CDC42SE2: variants seen among roughly 807,000 people sequenced by gnomAD.
CDC42SE2 encodes the protein CDC42 small effector protein 2.
CDC42SE2 carries 3 observed loss-of-function variants against 11.5 expected under a neutral mutation model. That is an observed-to-expected ratio of 0.26 (90% CI 0.12 to 0.67). The LOEUF is 0.67. CDC42SE2 is among the 30% of genes least tolerant of loss of function. The probability of loss-of-function intolerance (pLI) is 0.80; values close to 1 mark genes in which losing one functional copy is unlikely to be tolerated. For synonymous variants in CDC42SE2, 33 were observed against 34.8 expected (o/e 0.95, Z 0.18); for missense variants, 82 against 106.8 (o/e 0.77, Z 1.02).
At chr5:131,344,489 A>T (rs1758792142) in intron 2 of CDC42SE2, among the ~76,000 whole-genome samples, 1 of 152,164 alleles carries the variant, frequency 6.6e-6, no homozygotes, top group African/African-American at 2.4e-5. Flanking sequence ...AGTAGGTAAA[A>T]AGAGCGGCCA....
intron 1 of CDC42SE2, among the ~76,000 whole-genome samples, chr5:131,294,893 C>T (rs1453503065): frequency 3.3e-5 from 5 of 151,816 alleles, no homozygotes; most frequent in African/African-American, 4.8e-5. Context: ...TTTGGGAGGC[C>T]GAGGTGGGCG....
At chr5:131,251,023 A>G (rs1157692315) in intron 1 of CDC42SE2, among the ~76,000 whole-genome samples, 1 of 152,242 alleles carries the variant, frequency 6.6e-6, no homozygotes, top group Non-Finnish European at 1.5e-5. Context: ...CACTCTGTCA[A>G]CCTAAAACTG....
chr5:131,331,800 A>G (rs1319359164), intron 2 of CDC42SE2, among the ~76,000 whole-genome samples: 9 of 152,178 alleles, frequency 5.9e-5, no homozygotes, highest in Admixed American at 1.3e-4. Context: ...TGTTTATGAA[A>G]TCTTCCACAT....
At chr5:131,234,342 T>C in the CDC42SE2 span, among the ~76,000 whole-genome samples, 1 of 151,988 alleles carries the variant, frequency 6.6e-6, no homozygotes. Context: ...GATAAATACA[T>C]AGATAGATAG....
chr5:131,234,891 A>AT, the CDC42SE2 span, among the ~76,000 whole-genome samples: 43,110 of 135,078 alleles, frequency 0.32, 10,007 homozygotes, highest in African/African-American at 0.67. Flanking sequence ...GTGAGGGCAA[A>AT]TTTTTTTTTT....
chr5:131,338,032 A>G (rs566742622), intron 2 of CDC42SE2, among the ~76,000 whole-genome samples: 3 of 152,304 alleles, frequency 2.0e-5, no homozygotes, highest in South Asian at 2.1e-4. Flanking sequence ...GAAATCACCC[A>G]TCTTCTGCGT....
At chr5:131,309,637 C>T (rs936850549) in intron 1 of CDC42SE2, among the ~76,000 whole-genome samples, 5 of 151,798 alleles carry the variant, frequency 3.3e-5, no homozygotes, top group African/African-American at 1.2e-4. Flanking sequence ...TGTTATTGGT[C>T]TATTCAGAGA....
intron 1 of CDC42SE2, among the ~76,000 whole-genome samples, chr5:131,254,315 G>C (rs913862349): frequency 6.6e-6 from 1 of 152,142 alleles, no homozygotes; most frequent in Non-Finnish European, 1.5e-5. Flanking sequence ...CCTGACGCGG[G>C]TGGATCACTT....
chr5:131,229,968 A>G, the CDC42SE2 span, among the ~76,000 whole-genome samples: 874 of 152,328 alleles, frequency 5.7e-3, 9 homozygotes, highest in African/African-American at 0.02. Context: ...ACAGGTATCT[A>G]TCTATGTACA....
At chr5:131,338,829 G>A (rs2149750415) in intron 2 of CDC42SE2, among the ~76,000 whole-genome samples, 1 of 152,246 alleles carries the variant, frequency 6.6e-6, no homozygotes, top group East Asian at 1.9e-4. Context: ...TGTGCAGTAT[G>A]AACATATAAT....
At position 131,281,186 on chromosome 5, in the gene CDC42SE2, C is replaced by T. The variant is rs563254781; in HGVS notation, c.-455+17020C>T. 3.3e-5 allele frequency among the ~76,000 whole-genome samples: 5 copies of T among 152,282 alleles called. No homozygotes were observed. In the South Asian group the frequency reaches 6.2e-4, roughly 19 times the overall value. On this transcript the variant is annotated intron_variant, in intron 1 of 4. Coordinates refer to ENST00000505065, the MANE Select transcript of CDC42SE2 (RefSeq NM_001375635.1). Reference sequence around the variant, plus strand: ...CCTTCATTTTTATTGTTCTTAACCTCGTCCTTTCTGTGTTGTATCACTGCT... The same window carrying T: ...CCTTCATTTTTATTGTTCTTAACCTTGTCCTTTCTGTGTTGTATCACTGCT...
intron 1 of CDC42SE2, among the ~76,000 whole-genome samples, chr5:131,306,561 TTGTC>T (rs1169601988): frequency 7.9e-5 from 12 of 152,336 alleles, no homozygotes; most frequent in African/African-American, 2.6e-4. Flanking sequence ...CAAGATTGCT[TTGTC>T]TGTTTGACGT....
chr5:131,224,174 TCCTGGG>T, the CDC42SE2 span, among the ~76,000 whole-genome samples: 1 of 152,188 alleles, frequency 6.6e-6, no homozygotes, highest in African/African-American at 2.4e-5. Context: ...CTCATCTGTT[TCCTGGG>T]CCATAAATGC....
chr5:131,218,720 A>G, the CDC42SE2 span, among the ~76,000 whole-genome samples: 1 of 152,372 alleles, frequency 6.6e-6, no homozygotes, highest in South Asian at 2.1e-4. Context: ...ATATAATGTT[A>G]TAAATCAAGA....
intron 3 of CDC42SE2, among the ~76,000 whole-genome samples, chr5:131,363,266 G>GAAA (rs35198617): frequency 5.8e-4 from 80 of 138,982 alleles, no homozygotes; most frequent in African/African-American, 2.0e-3. Flanking sequence ...CTGATTTACA[G>GAAA]AAAAAAAAAA....
chr5:131,266,438 C>A (rs546153902), intron 1 of CDC42SE2, among the ~76,000 whole-genome samples: 16 of 150,338 alleles, frequency 1.1e-4, no homozygotes, highest in Non-Finnish European at 2.1e-4. Context: ...TTTGGACTTA[C>A]CGGCTATTAG....
At chr5:131,256,849 C>T (rs1488687802) in intron 2 of CDC42SE2, among the ~76,000 whole-genome samples, 1 of 152,216 alleles carries the variant, frequency 6.6e-6, no homozygotes, top group Non-Finnish European at 1.5e-5. Flanking sequence ...CTTTCAAAGG[C>T]TCATGTAATT....
chr5:131,387,066 G>A (rs1750508652), intron 4 of CDC42SE2, among the ~76,000 whole-genome samples: 1 of 152,174 alleles, frequency 6.6e-6, no homozygotes, highest in Non-Finnish European at 1.5e-5. Context: ...TCATGTTGCT[G>A]TCAAAACAGT....
chr5:131,354,883 A>G (rs1023572466), intron 2 of CDC42SE2: 1 of 152,168 alleles, frequency 6.6e-6, no homozygotes, highest in Non-Finnish European at 1.5e-5. Flanking sequence ...AGGTCTTGCT[A>G]TGTTGCCTAG....
Sources: gnomAD v4.1 joint callset for allele counts (sites outside exome capture counted in the v4.1 genomes callset) on GRCh38, gnomAD v4.1.1 for gene constraint, MANE v1.5 for transcripts, NCBI Gene and HGNC (gene_info 2026-07-23, HGNC 2026-07-21) for gene names.